The following ADGRA3 variants were observed in gnomAD, a reference collection of about 807,000 sequenced individuals.
ADGRA3 encodes G-protein coupled receptor 125.
ADGRA3 carries 56 observed loss-of-function variants against 119.8 expected under a neutral mutation model. The observed-to-expected ratio is 0.47, with a 90% CI of 0.38 to 0.58. The LOEUF (loss-of-function observed/expected upper bound fraction) is 0.58, where lower values mean the gene tolerates loss of function less well. ADGRA3 is among the 20% of genes least tolerant of loss of function. The probability of loss-of-function intolerance (pLI) is 0.00; values close to 1 mark genes in which losing one functional copy is unlikely to be tolerated. For synonymous variants in ADGRA3, 607 were observed against 623.8 expected, an observed-to-expected ratio of 0.97 and a Z score of 0.40; for missense variants, 1,516 against 1,649.0, an observed-to-expected ratio of 0.92 and a Z score of 1.40.
At chr4:22,469,996 A>G (rs149153120) in intron 2 of ADGRA3, among the ~76,000 whole-genome samples, 1 of 152,156 alleles carries the variant, frequency 6.6e-6, no homozygotes, top group African/African-American at 2.4e-5. Flanking sequence ...CCATTACTGC[A>G]TATGTTCCAT....
At chr4:22,466,708 G>A (rs546711341) in intron 2 of ADGRA3, among the ~76,000 whole-genome samples, 79 of 148,958 alleles carry the variant, frequency 5.3e-4, no homozygotes, top group African/African-American at 1.7e-3. Flanking sequence ...TCAAGACTCC[G>A]TCTCAAAAAA....
intron 6 of ADGRA3, among the ~76,000 whole-genome samples, chr4:22,444,209 G>C (rs1417999878): frequency 6.6e-6 from 1 of 152,080 alleles, no homozygotes; most frequent in Non-Finnish European, 1.5e-5. Flanking sequence ...TATACACAGA[G>C]TCTGAAGATT....
At chr4:22,391,078 G>A (rs1359244844) in intron 17 of ADGRA3, among the ~76,000 whole-genome samples, 2 of 151,868 alleles carry the variant, frequency 1.3e-5, no homozygotes, top group Non-Finnish European at 2.9e-5. Flanking sequence ...CTTTTTCCAC[G>A]GCCCATCTAT....
At chr4:22,400,374 G>A (rs1370319549) in intron 16 of ADGRA3, among the ~76,000 whole-genome samples, 1 of 152,052 alleles carries the variant, frequency 6.6e-6, no homozygotes, top group Non-Finnish European at 1.5e-5. Flanking sequence ...ATAAAAAAGA[G>A]GAAAATCATA....
At chr4:22,460,368 C>G (rs1717398551) in intron 3 of ADGRA3, among the ~76,000 whole-genome samples, 1 of 152,210 alleles carries the variant, frequency 6.6e-6, no homozygotes, top group Non-Finnish European at 1.5e-5. Flanking sequence ...TCTACCCTAT[C>G]TGACTAAAAG....
intron 12 of ADGRA3, 117 bp downstream of exon 12, chr4:22,420,769 A>T: frequency 1.0e-6 from 1 of 952,428 alleles, no homozygotes; most frequent in Non-Finnish European, 1.6e-6. Context: ...AAAAGCAATA[A>T]TACCTATCTT....
intron 2 of ADGRA3, among the ~76,000 whole-genome samples, chr4:22,470,421 G>C (rs1037098481): frequency 8.6e-5 from 13 of 151,750 alleles, no homozygotes; most frequent in African/African-American, 2.7e-4. Flanking sequence ...CAAACAATGG[G>C]TCATGTTCAT....
chr4:22,420,885 C>A lies in ADGRA3; in HGVS notation c.1809+1G>T. On this transcript the variant is annotated splice_donor_variant, in intron 12 of 18. Transcript: ENST00000334304. LOFTEE classifies it high-confidence loss of function. The stretch of plus-strand genomic sequence containing the variant: ...TTAAATGATTGCAGAATGTAACATA[C>A]CTTTAGTGCCAGACTCGAAAATGTA... 6.2e-7 allele frequency: 1 copy of A among 1,612,528 alleles called. No individual in the cohort carries two copies. Among genetic ancestry groups the A allele is most frequent in the Non-Finnish European group, 8.5e-7 (1 of 1,178,616 alleles).
intron 7 of ADGRA3, among the ~76,000 whole-genome samples, chr4:22,438,950 AAG>A (rs1716506021): frequency 6.6e-6 from 1 of 152,218 alleles, no homozygotes; most frequent in South Asian, 2.1e-4. Flanking sequence ...GCAGTGAGCC[AAG>A]AGAGCACCAC....
rs148802225 is a variant in ADGRA3 at position 22,426,544 on chromosome 4, G to A, written c.1444-2192C>T. On this transcript the variant is annotated intron_variant, in intron 10 of 18. Transcript: ENST00000334304. ...AGACACTGGTGCAACAGCAGCAAAA[G>A]AAAGAAACAAGCTCTATCTTCAACC... Among the ~76,000 whole-genome samples, 1,379 of 152,244 alleles carry A rather than the reference G, an allele frequency of 9.1e-3. 42 individuals carry two copies. Among genetic ancestry groups the A allele is most frequent in the South Asian group, 0.055 (266 of 4,820 alleles).
At chr4:22,448,752 TTTTTATA>T (rs1385211996) in intron 4 of ADGRA3, among the ~76,000 whole-genome samples, 2 of 152,140 alleles carry the variant, frequency 1.3e-5, no homozygotes, top group African/African-American at 4.8e-5. Context: ...ACTGGATTGG[TTTTTATA>T]TTTTATAATT....
At chr4:22,428,140 TTGA>T (rs924782439) in intron 10 of ADGRA3, among the ~76,000 whole-genome samples, 4 of 152,146 alleles carry the variant, frequency 2.6e-5, no homozygotes, top group African/African-American at 9.7e-5. Context: ...TAAACTAAAC[TTGA>T]TGATATTTAA....
chr4:22,447,570 T>C, intron 4 of ADGRA3, 59 bp from the exon 5 acceptor site: 2 of 1,033,902 alleles, frequency 1.9e-6, no homozygotes, highest in African/African-American at 1.6e-5. Context: ...TTTTATCCTA[T>C]TTCATATTTT....
intron 1 of ADGRA3, among the ~76,000 whole-genome samples, chr4:22,504,596 A>G (rs1416578144): frequency 1.3e-5 from 2 of 152,054 alleles, no homozygotes; most frequent in Admixed American, 6.6e-5. Context: ...CCTGGCTTCT[A>G]TGAATAAGGC....
At chr4:22,498,764 A>G (rs79087684) in intron 1 of ADGRA3, among the ~76,000 whole-genome samples, 9,515 of 152,054 alleles carry the variant, frequency 0.063, 515 homozygotes, top group African/African-American at 0.15. Flanking sequence ...AAATACAAAA[A>G]TTAGCCAGGC....
At chr4:22,498,194 C>T (rs888370831) in intron 1 of ADGRA3, among the ~76,000 whole-genome samples, 2 of 151,892 alleles carry the variant, frequency 1.3e-5, no homozygotes, top group African/African-American at 4.8e-5. Context: ...GCACAGTGAG[C>T]CGAGATCATG....
intron 3 of ADGRA3, chr4:22,455,694 T>C (rs1045372406): frequency 4.4e-5 from 20 of 455,972 alleles, no homozygotes; most frequent in Non-Finnish European, 6.9e-5. Flanking sequence ...TTACTTTGCT[T>C]GACATCAAGG....
chr4:22,490,553 G>A (rs996508223), intron 1 of ADGRA3, among the ~76,000 whole-genome samples: 7 of 152,136 alleles, frequency 4.6e-5, no homozygotes, highest in Middle Eastern at 6.8e-3. Context: ...CTGGGAGTGA[G>A]AGCAGAAATA....
intron 2 of ADGRA3, 118 bp downstream of exon 2, chr4:22,473,654 G>A: frequency 3.4e-6 from 2 of 595,724 alleles, no homozygotes; most frequent in Non-Finnish European, 5.5e-6. Context: ...AAAAATGTTA[G>A]AAAAACTCAA....
Sources: allele counts gnomAD v4.1 joint callset (sites outside exome capture counted in the v4.1 genomes callset), GRCh38; gene constraint gnomAD v4.1.1; transcripts MANE v1.5; gene names NCBI Gene and HGNC (gene_info 2026-07-23, HGNC 2026-07-21).